The following MYO18B variants were observed in gnomAD, a reference collection of about 807,000 sequenced individuals.
MYO18B encodes the protein myosin XVIIIB.
A neutral mutation model predicts 273.0 loss-of-function variants in MYO18B; 204 were observed. The ratio of observed to expected loss-of-function variants is 0.75; its 90% CI spans 0.67 to 0.84. The LOEUF (loss-of-function observed/expected upper bound fraction) is 0.84, where lower values mean the gene tolerates loss of function less well. MYO18B is among the 40% of genes least tolerant of loss of function. The probability of loss-of-function intolerance (pLI) is 0.00; values close to 1 mark genes in which losing one functional copy is unlikely to be tolerated. For missense variants in MYO18B, 3,212 were observed against 3,287.6 expected, an observed-to-expected ratio of 0.98 and a Z score of 0.56; for synonymous variants, 1,330 against 1,305.7, an observed-to-expected ratio of 1.02 and a Z score of -0.40.
intron 25 of MYO18B, among the ~76,000 whole-genome samples, chr22:25,881,098 C>A (rs562583232): frequency 1.1e-4 from 17 of 152,246 alleles, no homozygotes; most frequent in Non-Finnish European, 2.2e-4. Flanking sequence ...ACCTACTCTT[C>A]TTCCCATGTT....
chr22:25,916,110 T>G (rs1319306977), intron 33 of MYO18B, among the ~76,000 whole-genome samples: 1 of 152,206 alleles, frequency 6.6e-6, no homozygotes, highest in Non-Finnish European at 1.5e-5. Flanking sequence ...TTCATCTAAT[T>G]TTTCAAATAG....
chr22:26,009,113 C>T (rs1421028292), intron 42 of MYO18B, among the ~76,000 whole-genome samples: 2 of 152,202 alleles, frequency 1.3e-5, no homozygotes, highest in Non-Finnish European at 2.9e-5. Flanking sequence ...TGATCTCTCC[C>T]CATCACTCTC....
intron 30 of MYO18B, chr22:25,903,094 AC>A (rs2091970670): frequency 8.6e-6 from 2 of 231,462 alleles, no homozygotes; most frequent in African/African-American, 2.3e-5. Context: ...CTAAAATACA[AC>A]ACGGGTGCCT....
chr22:25,878,756 A>G (rs2091265239), intron 25 of MYO18B, among the ~76,000 whole-genome samples: 2 of 152,390 alleles, frequency 1.3e-5, no homozygotes, highest in South Asian at 4.1e-4. Flanking sequence ...GTTGTGTGGC[A>G]GTGGGAATTC....
chr22:25,972,475 C>T (rs532446176), intron 39 of MYO18B, among the ~76,000 whole-genome samples: 3 of 152,272 alleles, frequency 2.0e-5, no homozygotes, highest in African/African-American at 4.8e-5. Context: ...AAAATATATT[C>T]GCAGATCAGC....
intron 12 of MYO18B, among the ~76,000 whole-genome samples, chr22:25,798,300 C>A (rs536297435): frequency 6.6e-6 from 1 of 152,292 alleles, no homozygotes; most frequent in African/African-American, 2.4e-5. Flanking sequence ...TCTAGACCAG[C>A]TCTGTCCACA....
intron 14 of MYO18B, 46 bp from the exon 15 acceptor site, chr22:25,828,730 G>A: frequency 6.4e-7 from 1 of 1,571,084 alleles, no homozygotes; most frequent in Non-Finnish European, 8.7e-7. Context: ...TGTGCTCCTA[G>A]ATTCCATGCC....
chr22:25,905,202 T>C (rs2092018128), intron 31 of MYO18B, among the ~76,000 whole-genome samples: 1 of 152,138 alleles, frequency 6.6e-6, no homozygotes, highest in Non-Finnish European at 1.5e-5. Flanking sequence ...AGCTCTTGCT[T>C]CTTGCTAACC....
chr22:25,843,225 C>A (rs1051029067), intron 17 of MYO18B, among the ~76,000 whole-genome samples: 1 of 152,106 alleles, frequency 6.6e-6, no homozygotes, highest in Non-Finnish European at 1.5e-5. Context: ...CTGTATCTCC[C>A]AAAAGTATTC....
intron 11 of MYO18B, among the ~76,000 whole-genome samples, chr22:25,786,539 A>C (rs560505892): frequency 1.3e-5 from 2 of 152,330 alleles, no homozygotes; most frequent in African/African-American, 4.8e-5. Context: ...AAAATTAACA[A>C]AAAATGAGTC....
At chr22:25,929,727 A>T (rs1403368868) in intron 34 of MYO18B, among the ~76,000 whole-genome samples, 1 of 151,902 alleles carries the variant, frequency 6.6e-6, no homozygotes, top group African/African-American at 2.4e-5. Context: ...AAGTCATTGT[A>T]CCCTCTAAAT....
At chr22:26,028,352 G>A (rs1936428160) in intron 43 of MYO18B, 2 of 152,064 alleles carry the variant, frequency 1.3e-5, no homozygotes, top group South Asian at 2.1e-4. Flanking sequence ...AGCTGTGATG[G>A]CGTTCTGTCC....
In MYO18B at chr22:25,780,214, G is replaced by A. The variant is rs1307961827; in HGVS notation, c.2211+16G>A. Reference sequence around the variant, plus strand: ...TCAGCTCCAGGTGAGGCCTCTCGGGGGATGTGCAAGGGGGCCCTTGGGGCT... The same window carrying A: ...TCAGCTCCAGGTGAGGCCTCTCGGGAGATGTGCAAGGGGGCCCTTGGGGCT... On this transcript the variant is annotated intron_variant, in intron 9 of 43. Coordinates refer to ENST00000335473, the MANE Select transcript of MYO18B (RefSeq NM_032608.7). The A allele has an allele frequency of 6.3e-7, 1 of 1,594,932 alleles. No homozygotes were observed.
At chr22:26,047,417 C>T in the MYO18B span, among the ~76,000 whole-genome samples, 48 of 152,298 alleles carry the variant, frequency 3.2e-4, 1 homozygote, top group African/African-American at 1.0e-3. Context: ...TGAGCCACCG[C>T]GCCCAGCCAG....
intron 21 of MYO18B, among the ~76,000 whole-genome samples, chr22:25,854,378 T>G (rs2090509022): frequency 6.6e-6 from 1 of 152,196 alleles, no homozygotes; most frequent in African/African-American, 2.4e-5. Flanking sequence ...ATTCCCACTC[T>G]GGGAATCATC....
At chr22:25,759,511 G>T (rs2086234746) in intron 1 of MYO18B, among the ~76,000 whole-genome samples, 1 of 152,064 alleles carries the variant, frequency 6.6e-6, no homozygotes, top group South Asian at 2.1e-4. Context: ...ACACACTGGG[G>T]CCTGTCGAGG....
chr22:25,765,000 G>A (rs1343804054), intron 3 of MYO18B, among the ~76,000 whole-genome samples: 1 of 152,202 alleles, frequency 6.6e-6, no homozygotes, highest in Non-Finnish European at 1.5e-5. Flanking sequence ...CCAGTCTGGT[G>A]AGTGAGGTGG....
At position 25,874,296 on chromosome 22, in the gene MYO18B, A is replaced by T; in HGVS notation, c.3962A>T (p.Lys1321Met). The change falls in exon 23 of 44, where the codon AAG (lysine) becomes ATG (methionine). Residue 1321 changes from lysine to methionine, a missense_variant. Lys to Met is a moderately conservative substitution (Grantham distance 95). Transcript: ENST00000335473. Reference protein sequence around the residue: ...VAVGHSQVFLKAGVISRLEKQ... With the variant: ...VAVGHSQVFLMAGVISRLEKQ... The stretch of plus-strand genomic sequence containing the variant: ...CTTCCCTCTCCCCAGGTTTTTCTCA[A>T]GGCAGGTGTGATCTCCAGGCTTGAG... 3.7e-6 allele frequency: 6 copies of T among 1,613,870 alleles called. No individual in the cohort carries two copies. The highest frequency in any genetic ancestry group is 5.1e-6 in the Non-Finnish European group (6 of 1,179,852).
intron 40 of MYO18B, among the ~76,000 whole-genome samples, chr22:25,997,976 C>CGAGAGAGAGAGAGAGAGAGAGAGAGAGAG (rs1381007559): frequency 8.3e-6 from 1 of 121,174 alleles, no homozygotes; most frequent in African/African-American, 3.1e-5. Flanking sequence ...CACACACACA[C>CGAGAGAGAGAGAGAGAGAGAGAGAGAGAG]ACGAGAGAGA....
Sources: gnomAD v4.1 joint callset for allele counts (sites outside exome capture counted in the v4.1 genomes callset) on GRCh38, gnomAD v4.1.1 for gene constraint, MANE v1.5 for transcripts, NCBI Gene and HGNC (gene_info 2026-07-23, HGNC 2026-07-21) for gene names.